Variants in EPHB2 observed in about 807,000 individuals in gnomAD.
EPHB2 encodes the protein ephrin type-B receptor 2.
Under a neutral mutation model 96.4 loss-of-function variants are expected in EPHB2, and 18 were observed. The ratio of observed to expected loss-of-function variants is 0.19; its 90% CI spans 0.13 to 0.28. The LOEUF (loss-of-function observed/expected upper bound fraction) is 0.28, where lower values mean the gene tolerates loss of function less well. Ranked by LOEUF, EPHB2 falls within the 10% of genes least tolerant of loss-of-function variation. The probability of loss-of-function intolerance (pLI) is 1.00; values close to 1 mark genes in which losing one functional copy is unlikely to be tolerated. For synonymous variants in EPHB2, 506 were observed against 534.1 expected, an observed-to-expected ratio of 0.95 and a Z score of 0.72; for missense variants, 989 against 1,355.4, an observed-to-expected ratio of 0.73 and a Z score of 4.25.
At chr1:22,796,756 G>A (rs560314474) in intron 3 of EPHB2, among the ~76,000 whole-genome samples, 2 of 152,342 alleles carry the variant, frequency 1.3e-5, no homozygotes, top group East Asian at 3.9e-4. Context: ...GAGGAGGCAG[G>A]CACAGGCTCT....
intron 1 of EPHB2, among the ~76,000 whole-genome samples, chr1:22,771,691 C>T (rs1175417415): frequency 6.6e-6 from 1 of 152,186 alleles, no homozygotes; most frequent in Non-Finnish European, 1.5e-5. Flanking sequence ...ATTAACGTGG[C>T]AGGCATTGTT....
Position 22,871,185 on chromosome 1 carries a change from C to A in EPHB2, c.1303+5973C>A, listed in dbSNP as rs188395090. ...AGGTAAGTGACTTACTCTGCTCTAT[C>A]CCAGGCCAGGAAGTAACAGAACCTG... On this transcript the variant is annotated intron_variant, in intron 5 of 15. Transcript: ENST00000374630. Among the ~76,000 whole-genome samples the A allele has an allele frequency of 2.4e-3, 358 of 152,282 alleles. 2 individuals carry two copies. Among genetic ancestry groups the A allele is most frequent in the South Asian group, 0.021 (101 of 4,822 alleles).
At chr1:22,727,599 C>T (rs927217002) in intron 1 of EPHB2, among the ~76,000 whole-genome samples, 1 of 152,076 alleles carries the variant, frequency 6.6e-6, no homozygotes, top group Non-Finnish European at 1.5e-5. Flanking sequence ...CAGAAGGGGA[C>T]AGCTAGTTGC....
At chr1:22,776,369 A>G (rs1229474423) in intron 1 of EPHB2, among the ~76,000 whole-genome samples, 1 of 152,146 alleles carries the variant, frequency 6.6e-6, no homozygotes, top group Non-Finnish European at 1.5e-5. Context: ...TTCCGTATTC[A>G]TTTCCTGTAA....
chr1:22,913,994 G>A lies in EPHB2; in HGVS notation c.*424G>A, dbSNP rs1052503955. On this transcript the variant is annotated 3_prime_UTR_variant, in exon 16 of 16. Coordinates refer to ENST00000374630, the MANE Select transcript of EPHB2 (RefSeq NM_017449.5). The surrounding 1 kb of genome is among the most constrained non-coding windows in gnomAD (Gnocchi z 4.1). Reference sequence around the variant, plus strand: ...CACTTTCAGAAAAACAAATGTGAAGGGGAGAGACAGGGGCCGCCCTTGGCT... The same window carrying A: ...CACTTTCAGAAAAACAAATGTGAAGAGGAGAGACAGGGGCCGCCCTTGGCT... 40 of 1,310,052 alleles carry A rather than the reference G, an allele frequency of 3.1e-5. No individual in the cohort carries two copies. The highest frequency in any genetic ancestry group is 8.7e-5 in the Admixed American group (3 of 34,568). The allele number at this position is 1,310,052 out of a possible 1,614,324, so 81.2% of individuals were successfully genotyped here. A position where few individuals can be genotyped will look rare whatever the true frequency, so the allele number is the denominator to read the frequency against.
At chr1:22,836,212 C>T (rs1048153478) in intron 3 of EPHB2, among the ~76,000 whole-genome samples, 14 of 152,216 alleles carry the variant, frequency 9.2e-5, no homozygotes, top group African/African-American at 3.4e-4. Context: ...CTCCACAGAG[C>T]ATGTGCGTCC....
chr1:22,878,847 G>A lies in EPHB2; in HGVS notation c.1304-3512G>A, dbSNP rs144263728. On this transcript the variant is annotated intron_variant, in intron 5 of 15. Transcript: ENST00000374630. ...ACTGTGCGGGTCTAGGCATGAAGCA[G>A]TAGGTGAGCGAGCACACCTGGCAGC... Among the ~76,000 whole-genome samples the A allele has an allele frequency of 2.5e-4, 38 of 152,358 alleles. 1 individual carries two copies. In the East Asian group the frequency reaches 5.2e-3, roughly 21 times the overall value.
intron 3 of EPHB2, among the ~76,000 whole-genome samples, chr1:22,799,446 C>T (rs1644811972): frequency 6.6e-6 from 1 of 152,202 alleles, no homozygotes; most frequent in Admixed American, 6.5e-5. Context: ...CCTTGATCGC[C>T]TCATCTCTAA....
At chr1:22,826,716 T>C (rs1645229646) in intron 3 of EPHB2, among the ~76,000 whole-genome samples, 1 of 152,172 alleles carries the variant, frequency 6.6e-6, no homozygotes, top group Admixed American at 6.5e-5. Context: ...CTCCGCAGCC[T>C]GACACAGGTC....
chr1:22,801,227 G>T (rs936418733), intron 3 of EPHB2, among the ~76,000 whole-genome samples: 1 of 152,304 alleles, frequency 6.6e-6, no homozygotes, highest in East Asian at 1.9e-4. Flanking sequence ...TCTCTCATCT[G>T]TCCCGGCTGT....
chr1:22,881,754 T>C (rs1014221385), intron 5 of EPHB2, among the ~76,000 whole-genome samples: 4 of 152,040 alleles, frequency 2.6e-5, no homozygotes, highest in African/African-American at 7.2e-5. Flanking sequence ...CCACCATGCC[T>C]GGCTAATTTT....
Position 22,788,378 on chromosome 1 carries a change from G to T in EPHB2, c.811+3302G>T, listed in dbSNP as rs555261610. ...GCCCAGCCATCCACTGAGTGTGAGT[G>T]GGGTCCAGTCAGGGTGTGATTAATG... On this transcript the variant is annotated intron_variant, in intron 3 of 15. Transcript: ENST00000374630. Among the ~76,000 whole-genome samples, 160 of 152,312 alleles carry T rather than the reference G, an allele frequency of 1.1e-3. 1 individual carries two copies. The highest frequency in any genetic ancestry group is 9.5e-3 in the South Asian group (46 of 4,828).
chr1:22,747,936 C>G (rs1352022955), intron 1 of EPHB2, among the ~76,000 whole-genome samples: 1 of 152,188 alleles, frequency 6.6e-6, no homozygotes, highest in Non-Finnish European at 1.5e-5. Context: ...GATAATAACA[C>G]ACTGTGGTGG....
intron 3 of EPHB2, among the ~76,000 whole-genome samples, chr1:22,795,743 C>A (rs926605601): frequency 1.3e-5 from 2 of 152,152 alleles, no homozygotes; most frequent in African/African-American, 4.8e-5. Context: ...ACTTTCTCAG[C>A]GTCCCATATA....
At chr1:22,712,362 A>G (rs564875140) in intron 1 of EPHB2, among the ~76,000 whole-genome samples, 2 of 152,308 alleles carry the variant, frequency 1.3e-5, no homozygotes, top group East Asian at 3.9e-4. Flanking sequence ...GAGCCCTTCC[A>G]GGGTTCTGCT....
intron 6 of EPHB2, among the ~76,000 whole-genome samples, chr1:22,891,742 A>G (rs1016847306): frequency 6.6e-6 from 1 of 151,766 alleles, no homozygotes; most frequent in African/African-American, 2.4e-5. Flanking sequence ...ACCCAAAGGC[A>G]TGGACATTAG....
chr1:22,862,647 A>G (rs1029060361), intron 3 of EPHB2, among the ~76,000 whole-genome samples: 2 of 152,148 alleles, frequency 1.3e-5, no homozygotes, highest in African/African-American at 4.8e-5. Context: ...CTGTAACCCA[A>G]GGATCTAGTT....
At chr1:22,820,114 G>C (rs1226329685) in intron 3 of EPHB2, among the ~76,000 whole-genome samples, 3 of 152,130 alleles carry the variant, frequency 2.0e-5, no homozygotes, top group Non-Finnish European at 2.9e-5. Context: ...CCCAGGAAAA[G>C]GGGAGGCAGG....
chr1:22,780,786 C>T (rs1237995174), intron 1 of EPHB2, among the ~76,000 whole-genome samples: 1 of 152,156 alleles, frequency 6.6e-6, no homozygotes, highest in Non-Finnish European at 1.5e-5. Flanking sequence ...AGGACAGTAC[C>T]TAGGTTAGTG....
Sources: gnomAD v4.1 joint callset for allele counts (sites outside exome capture counted in the v4.1 genomes callset) on GRCh38, gnomAD v4.1.1 for gene constraint, Gnocchi (gnomAD v3.1) non-coding constraint, MANE v1.5 for transcripts, NCBI Gene and HGNC (gene_info 2026-07-23, HGNC 2026-07-21) for gene names.